Variants in CNPY1 observed in about 807,000 individuals in gnomAD.
CNPY1 encodes the protein protein canopy homolog 1.
A neutral mutation model predicts 14.4 loss-of-function variants in CNPY1; 14 were observed. The observed-to-expected ratio is 0.97, with a 90% CI of 0.64 to 1.52. The LOEUF (loss-of-function observed/expected upper bound fraction) is 1.52. Ranked by LOEUF, CNPY1 falls within the 40% of genes most tolerant of loss-of-function variation. CNPY1 has a pLI of 0.00. For synonymous variants in CNPY1, 43 were observed against 46.5 expected, an observed-to-expected ratio of 0.92 and a Z score of 0.31; for missense variants, 129 against 131.5, an observed-to-expected ratio of 0.98 and a Z score of 0.09.
chr7:155,508,639 G>A (rs2116681128), intron 3 of CNPY1, among the ~76,000 whole-genome samples: 1 of 152,300 alleles, frequency 6.6e-6, no homozygotes, highest in East Asian at 1.9e-4. Context: ...AGCACCTTCC[G>A]TAAAGTATCA....
intron 2 of CNPY1, among the ~76,000 whole-genome samples, chr7:155,516,345 C>T (rs1796622158): frequency 6.6e-6 from 1 of 152,118 alleles, no homozygotes; most frequent in Non-Finnish European, 1.5e-5. Context: ...GTTTTTGCAT[C>T]AAATTTACTT....
rs1796122851 is a variant in CNPY1, at chr7:155,501,940, C to T, written c.*1128G>A. ...TGAAGAGTCAGGAGAATGATTTAAA[C>T]ACATAATGTGCTTTTTAAGCAACTA... is the stretch of plus-strand genomic sequence containing the variant. On this transcript the variant is annotated 3_prime_UTR_variant, in exon 5 of 5. Transcript: ENST00000636446. The T allele has an allele frequency of 8.0e-6, 1 of 124,500 alleles. No individual in the cohort carries two copies. The highest frequency in any genetic ancestry group is 1.6e-5 in the Non-Finnish European group (1 of 63,980). 7.7% of individuals were successfully genotyped at this position (124,500 alleles called of 1,614,324 possible).
intron 2 of CNPY1, among the ~76,000 whole-genome samples, chr7:155,515,483 A>G (rs1055060503): frequency 2.6e-5 from 4 of 151,124 alleles, no homozygotes; most frequent in Non-Finnish European, 5.9e-5. Flanking sequence ...GACACGATTC[A>G]CCTCCCCCAC....
chr7:155,512,314 C>T (rs1796546144), intron 2 of CNPY1, among the ~76,000 whole-genome samples: 1 of 152,192 alleles, frequency 6.6e-6, no homozygotes, highest in Non-Finnish European at 1.5e-5. Flanking sequence ...ATGATAATTT[C>T]ATTGCTATCT....
chr7:155,526,310 T>C (rs1265899035), intron 2 of CNPY1, among the ~76,000 whole-genome samples: 1 of 152,118 alleles, frequency 6.6e-6, no homozygotes, highest in East Asian at 1.9e-4. Context: ...ACTCCACAGG[T>C]AGACGGAAAA....
chr7:155,520,415 TC>T, intron 2 of CNPY1, among the ~76,000 whole-genome samples: 1 of 145,384 alleles, frequency 6.9e-6, no homozygotes, highest in African/African-American at 2.5e-5. Flanking sequence ...TCTTTTTCTT[TC>T]TTTCTTTCTT....
At chr7:155,520,222 GC>G (rs1285765842) in intron 2 of CNPY1, among the ~76,000 whole-genome samples, 1 of 152,104 alleles carries the variant, frequency 6.6e-6, no homozygotes, top group African/African-American at 2.4e-5. Context: ...AGAGGAACAG[GC>G]AGCTCATTGC....
chr7:155,527,358 G>A lies in CNPY1; in HGVS notation c.100-18261C>T, dbSNP rs528673497. ...CTCTTGACTCTGATGGGAATGGAGC[G>A]GGGTCGGGAGGTAGACATGCGTCTT... On this transcript the variant is annotated intron_variant, in intron 2 of 4. Transcript: ENST00000636446. Among the ~76,000 whole-genome samples, 89 of 151,764 alleles carry A rather than the reference G, an allele frequency of 5.9e-4. 1 individual carries two copies. The highest frequency in any genetic ancestry group is 1.3e-3 in the Admixed American group (20 of 15,238).
chr7:155,524,696 T>C (rs779807415), intron 2 of CNPY1, among the ~76,000 whole-genome samples: 2 of 152,210 alleles, frequency 1.3e-5, no homozygotes, highest in Non-Finnish European at 2.9e-5. Context: ...AGTTGCATAA[T>C]TATTTCTTTA....
chr7:155,515,992 C>A (rs1488724396), intron 2 of CNPY1, among the ~76,000 whole-genome samples: 1 of 147,370 alleles, frequency 6.8e-6, no homozygotes, highest in Non-Finnish European at 1.5e-5. Context: ...CATGTGTGAG[C>A]AAATGAACGT....
At chr7:155,527,144 C>T (rs751708474) in intron 2 of CNPY1, among the ~76,000 whole-genome samples, 14 of 150,030 alleles carry the variant, frequency 9.3e-5, no homozygotes, top group East Asian at 3.9e-4. Flanking sequence ...CTCTACCTCA[C>T]GGGTTCAAGC....
intron 2 of CNPY1, among the ~76,000 whole-genome samples, chr7:155,524,595 G>C (rs1796785471): frequency 6.6e-6 from 1 of 152,206 alleles, no homozygotes; most frequent in Admixed American, 6.5e-5. Context: ...AATGCCTGAT[G>C]ATCTGCCACT....
rs1797022649 is a variant in CNPY1, at chr7:155,536,349, T to C, written c.99+9482A>G. ...CGGGCCGCTCTGTGCTTGAGACCTA[T>C]AGTCATAGGTTTCAGGAAACTTCTC... On this transcript the variant is annotated intron_variant, in intron 2 of 4. Coordinates refer to ENST00000636446, the MANE Select transcript of CNPY1 (RefSeq NM_001393663.1). This position sits in a 1 kb window ranked among gnomAD's most constrained non-coding sequence, Gnocchi z 4.1. Among the ~76,000 whole-genome samples the C allele has an allele frequency of 6.6e-6, 1 of 152,102 alleles. No homozygotes were observed. The highest frequency in any genetic ancestry group is 2.4e-5 in the African/African-American group (1 of 41,386).
chr7:155,503,652 T>A lies in CNPY1; in HGVS notation c.401-547A>T, dbSNP rs1421057793. Among the ~76,000 whole-genome samples, 5 of 152,346 alleles carry A rather than the reference T, an allele frequency of 3.3e-5. No individual in the cohort carries two copies. In the East Asian group the frequency reaches 9.6e-4, roughly 29 times the overall value. On this transcript the variant is annotated intron_variant, in intron 4 of 4. Coordinates refer to ENST00000636446, the MANE Select transcript of CNPY1 (RefSeq NM_001393663.1). ...ACATTCCCATTAGTTTTGAGAAGTC[T>A]ACATAAAAAGGGAAAAATCTTTTAC...
At chr7:155,524,843 G>T (rs1015951800) in intron 2 of CNPY1, among the ~76,000 whole-genome samples, 3 of 113,846 alleles carry the variant, frequency 2.6e-5, no homozygotes, top group Non-Finnish European at 4.9e-5. Context: ...TGCCATAAAT[G>T]TTGGGGACCG....
chr7:155,542,659 C>T (rs551068057), intron 2 of CNPY1, among the ~76,000 whole-genome samples: 2 of 152,358 alleles, frequency 1.3e-5, no homozygotes, highest in South Asian at 2.1e-4. Flanking sequence ...AAGACCCTCC[C>T]GCTGCTGAGA....
intron 4 of CNPY1, 53 bp downstream of exon 4, chr7:155,506,965 AGT>A: frequency 8.5e-7 from 1 of 1,172,970 alleles, no homozygotes; most frequent in African/African-American, 1.5e-5. Context: ...TGCAAGGCTG[AGT>A]GAGAGAGAGA....
chr7:155,527,527 G>T (rs891173345), intron 2 of CNPY1, among the ~76,000 whole-genome samples: 6 of 129,636 alleles, frequency 4.6e-5, no homozygotes, highest in South Asian at 2.5e-4. Flanking sequence ...TTGCAGCCTC[G>T]TCCTCTTGGG....
chr7:155,534,043 C>T (rs996802893), intron 2 of CNPY1, among the ~76,000 whole-genome samples: 7 of 152,130 alleles, frequency 4.6e-5, no homozygotes, highest in Non-Finnish European at 8.8e-5. Context: ...CCCTGCTGGC[C>T]CCGCCGGGAA....
Sources: gnomAD v4.1 joint callset for allele counts (sites outside exome capture counted in the v4.1 genomes callset) on GRCh38, gnomAD v4.1.1 for gene constraint, Gnocchi (gnomAD v3.1) non-coding constraint, MANE v1.5 for transcripts, NCBI Gene and HGNC (gene_info 2026-07-23, HGNC 2026-07-21) for gene names.